Variants in LRBA observed in about 807,000 individuals in gnomAD.
The protein encoded by LRBA is LPS responsive beige-like anchor protein, also known as lipopolysaccharide-responsive and beige-like anchor protein.
LRBA carries 176 observed loss-of-function variants against 330.0 expected under a neutral mutation model. The ratio of observed to expected loss-of-function variants is 0.53; its 90% confidence interval spans 0.47 to 0.60. The LOEUF (loss-of-function observed/expected upper bound fraction) is 0.60. Ranked by LOEUF, LRBA falls within the 20% of genes least tolerant of loss-of-function variation. The probability of loss-of-function intolerance (pLI) is 0.00; values close to 1 mark genes in which losing one functional copy is unlikely to be tolerated. For synonymous variants in LRBA, 1,230 were observed against 1,193.0 expected, an observed-to-expected ratio of 1.03 and a Z score of -0.64; for missense variants, 3,259 against 3,444.8, an observed-to-expected ratio of 0.95 and a Z score of 1.35.
intron 2 of LRBA, among the ~76,000 whole-genome samples, chr4:150,950,404 C>T (rs182805670): frequency 6.6e-6 from 1 of 152,130 alleles, no homozygotes; most frequent in East Asian, 1.9e-4. Flanking sequence ...TACTTCAGTA[C>T]CCCAAATATT....
At chr4:150,367,268 T>A (rs1739589234) in intron 47 of LRBA, among the ~76,000 whole-genome samples, 1 of 152,122 alleles carries the variant, frequency 6.6e-6, no homozygotes, top group Admixed American at 6.6e-5. Context: ...ATAAATGGGG[T>A]ACATCTGTTT....
intron 31 of LRBA, among the ~76,000 whole-genome samples, chr4:150,811,481 G>A (rs553491174): frequency 9.0e-4 from 136 of 150,840 alleles, no homozygotes; most frequent in Admixed American, 2.2e-3. Flanking sequence ...AGTCTTTACT[G>A]TGTTAACTGG....
At chr4:150,685,599 A>G (rs931886939) in intron 36 of LRBA, among the ~76,000 whole-genome samples, 1 of 149,716 alleles carries the variant, frequency 6.7e-6, no homozygotes, top group Non-Finnish European at 1.5e-5. Flanking sequence ...ACACCCAGCT[A>G]ATTTTTTTGT....
intron 53 of LRBA, among the ~76,000 whole-genome samples, chr4:150,299,090 A>G (rs995021050): frequency 1.3e-5 from 2 of 152,048 alleles, no homozygotes; most frequent in South Asian, 2.1e-4. Flanking sequence ...TTTCTCCAAA[A>G]TTTAAAAATG....
At chr4:150,748,341 A>T (rs1450358800) in intron 35 of LRBA, among the ~76,000 whole-genome samples, 2 of 152,154 alleles carry the variant, frequency 1.3e-5, no homozygotes, top group Non-Finnish European at 2.9e-5. Flanking sequence ...AATGTAAGCC[A>T]TGGTGTTGGG....
At chr4:150,802,989 T>TCCAGC in intron 33 of LRBA, among the ~76,000 whole-genome samples, 1 of 128,380 alleles carries the variant, frequency 7.8e-6, no homozygotes, top group Admixed American at 9.5e-5. Context: ...ACCACTGCAC[T>TCCAGC]CCAGCCTGGG....
At chr4:150,920,933 T>G (rs917255821) in intron 5 of LRBA, among the ~76,000 whole-genome samples, 2 of 152,206 alleles carry the variant, frequency 1.3e-5, no homozygotes, top group African/African-American at 4.8e-5. Context: ...TAAGACAACA[T>G]GGCTATGTTT....
intron 37 of LRBA, among the ~76,000 whole-genome samples, chr4:150,604,794 C>G (rs189066739): frequency 6.6e-6 from 1 of 152,058 alleles, no homozygotes; most frequent in Non-Finnish European, 1.5e-5. Flanking sequence ...CTACCTTTAC[C>G]CACACATCCC....
rs560499213 is a variant in LRBA, at chr4:150,954,178, G to A, written c.217-25113C>T. 5.5e-5 allele frequency among the ~76,000 whole-genome samples: 8 copies of A among 145,564 alleles called. No homozygotes were observed. The East Asian group carries it at 1.1e-3, about 20-fold the overall frequency. The stretch of plus-strand genomic sequence containing the variant: ...CAGCCCCCGCCCGGCCAGCCGCCCC[G>A]TCCAGAAGGTGGGGGGCCCCTCTGC... On this transcript the variant is annotated intron_variant, in intron 2 of 56. Transcript: ENST00000651943.
chr4:150,639,763 A>ATGTG lies in LRBA; in HGVS notation c.5922-40633_5922-40632insCACA, dbSNP rs1355110593. ...TATATATATATATATATATATATAT[A>ATGTG]TATATATATATATATATATGTGTGT... is the stretch of plus-strand genomic sequence containing the variant. On this transcript the variant is annotated intron_variant, in intron 37 of 56. Coordinates refer to ENST00000651943, the MANE Select transcript of LRBA (RefSeq NM_001364905.1). Among the ~76,000 whole-genome samples, 14 of 9,636 alleles carry ATGTG rather than the reference A, an allele frequency of 1.5e-3. 2 individuals are homozygous for ATGTG. The highest frequency in any genetic ancestry group is 4.0e-3 in the African/African-American group (13 of 3,218). The allele number at this position is 9,636 out of a possible 152,430, so 6.3% of individuals were successfully genotyped here.
intron 2 of LRBA, among the ~76,000 whole-genome samples, chr4:150,994,166 C>T (rs1449645332): frequency 6.6e-6 from 1 of 151,966 alleles, no homozygotes. Context: ...GGGTATTACA[C>T]CAACCTGCTG....
intron 37 of LRBA, among the ~76,000 whole-genome samples, chr4:150,676,678 A>G (rs1051657277): frequency 6.6e-6 from 1 of 152,302 alleles, no homozygotes. Flanking sequence ...CTCTAGACCC[A>G]TATAAAACCA....
intron 40 of LRBA, among the ~76,000 whole-genome samples, chr4:150,551,842 G>A (rs1470033175): frequency 2.6e-5 from 4 of 152,004 alleles, no homozygotes; most frequent in East Asian, 1.9e-4. Context: ...ACACACACAC[G>A]GATATACATA....
intron 47 of LRBA, among the ~76,000 whole-genome samples, chr4:150,372,588 A>G (rs1231736586): frequency 2.7e-5 from 4 of 149,730 alleles, no homozygotes; most frequent in East Asian, 3.9e-4. Context: ...GGAAAGGAAA[A>G]GAAAAAAAAT....
intron 56 of LRBA, among the ~76,000 whole-genome samples, chr4:150,268,438 A>C (rs1428826476): frequency 6.6e-6 from 1 of 152,242 alleles, no homozygotes; most frequent in African/African-American, 2.4e-5. Context: ...CAATAAGGCC[A>C]GTATTACCAT....
At chr4:150,628,549 T>C (rs554390556) in intron 37 of LRBA, among the ~76,000 whole-genome samples, 4 of 152,350 alleles carry the variant, frequency 2.6e-5, no homozygotes, top group African/African-American at 7.2e-5. Flanking sequence ...AATGATACCA[T>C]ATGACCTTTA....
intron 37 of LRBA, among the ~76,000 whole-genome samples, chr4:150,618,846 A>ATGTG: frequency 2.6e-5 from 1 of 38,366 alleles, no homozygotes; most frequent in Admixed American, 4.8e-4. Flanking sequence ...ATATGTGTGT[A>ATGTG]TGTATATATA....
At chr4:150,350,391 G>A (rs984094374) in intron 47 of LRBA, among the ~76,000 whole-genome samples, 2 of 152,212 alleles carry the variant, frequency 1.3e-5, no homozygotes, top group African/African-American at 2.4e-5. Context: ...CCAACATGGC[G>A]AAACCCGGTC....
rs1750769993 is a variant in LRBA, at chr4:150,852,820, C to A, written c.2890G>T (p.Asp964Tyr). ...TGGGATCCTACTGAAACATTAATAT[C>A]CCTTCTAATGCCAGAGGCTGCTTGA... ...SVQAASGIRR[D>Y]INVSVGSQQP... Residue 964 changes from aspartate to tyrosine, a missense_variant, in exon 23 of 57, where the codon GAT becomes TAT. Coordinates refer to ENST00000651943, the MANE Select transcript of LRBA (RefSeq NM_001364905.1). The A allele has an allele frequency of 1.9e-6, 3 of 1,613,992 alleles. No individual in the cohort carries two copies. The highest frequency in any genetic ancestry group is 1.3e-5 in the African/African-American group (1 of 75,050).
Sources: allele counts gnomAD v4.1 joint callset (sites outside exome capture counted in the v4.1 genomes callset), GRCh38; gene constraint gnomAD v4.1.1; transcripts MANE v1.5; gene names NCBI Gene and HGNC (gene_info 2026-07-23, HGNC 2026-07-21).